RAB40C: variants seen among roughly 807,000 people sequenced by gnomAD.
RAB40C encodes the protein ras-related protein Rab-40C.
Under a neutral mutation model 28.1 loss-of-function variants are expected in RAB40C, and 8 were observed. The ratio of observed to expected loss-of-function variants is 0.28; its 90% CI spans 0.17 to 0.51. The LOEUF is 0.51. Ranked by LOEUF, RAB40C falls within the 20% of genes least tolerant of loss-of-function variation. The pLI, the probability that RAB40C is intolerant of heterozygous loss-of-function variation, is 0.97. For missense variants in RAB40C, 288 were observed against 405.9 expected, an observed-to-expected ratio of 0.71 and a Z score of 2.50; for synonymous variants, 201 against 171.7, an observed-to-expected ratio of 1.17 and a Z score of -1.34.
intron 1 of RAB40C, among the ~76,000 whole-genome samples, chr16:593,836 CTT>C (rs2036053652): frequency 1.3e-5 from 2 of 152,296 alleles, no homozygotes; most frequent in Middle Eastern, 3.4e-3. Context: ...TTAGGGAGTG[CTT>C]CATGCTCTCT....
chr16:619,689 T>C (rs1304196223), intron 3 of RAB40C, among the ~76,000 whole-genome samples: 2 of 152,022 alleles, frequency 1.3e-5, no homozygotes, highest in African/African-American at 2.4e-5. Flanking sequence ...GCCGCCTGGG[T>C]CTGGGTCTGG....
At chr16:617,370 A>T in intron 2 of RAB40C, 102 bp downstream of exon 2, 1 of 1,416,232 alleles carries the variant, frequency 7.1e-7, no homozygotes, top group African/African-American at 1.4e-5. Context: ...TTTGCATTTC[A>T]CTTGGAAGAG....
In RAB40C at chr16:602,751, G is replaced by T. The variant is rs563566020; in HGVS notation, c.142+12318G>T. 2.6e-5 allele frequency among the ~76,000 whole-genome samples: 4 copies of T among 152,230 alleles called. No individual in the cohort carries two copies. In the South Asian group the frequency reaches 8.3e-4, roughly 32 times the overall value. On this transcript the variant is annotated intron_variant, in intron 1 of 5. Transcript: ENST00000248139. Reference sequence around the variant, plus strand: ...CCTGGCCAATAAATTATTTTTTGTAGAATTGAGGTCTTGCCATGTTGCCTA... The same window carrying T: ...CCTGGCCAATAAATTATTTTTTGTATAATTGAGGTCTTGCCATGTTGCCTA...
chr16:623,485 TAAAA>T (rs1028262156), intron 3 of RAB40C, among the ~76,000 whole-genome samples: 1 of 149,554 alleles, frequency 6.7e-6, no homozygotes, highest in Non-Finnish European at 1.5e-5. Flanking sequence ...CTGTCTCTAC[TAAAA>T]AAAAATACAA....
Position 610,741 on chromosome 16 carries a change from C to T in RAB40C, c.143-6467C>T, listed in dbSNP as rs1405414653. 6.6e-6 allele frequency among the ~76,000 whole-genome samples: 1 copy of T among 151,830 alleles called. No homozygotes were observed. Among genetic ancestry groups the T allele is most frequent in the East Asian group, 2.0e-4 (1 of 5,104 alleles). On this transcript the variant is annotated intron_variant, in intron 1 of 5. Transcript: ENST00000248139. This position sits in a 1 kb window ranked among gnomAD's most constrained non-coding sequence, Gnocchi z 4.6. ...TCCAGGAGCTCCTCCCTCTACCCCG[C>T]CCTGCCCCACCCCGTCACCTGCTTG... is the stretch of plus-strand genomic sequence containing the variant.
chr16:611,097 G>A (rs1200382390), intron 1 of RAB40C, among the ~76,000 whole-genome samples: 1 of 152,234 alleles, frequency 6.6e-6, no homozygotes, highest in Admixed American at 6.5e-5. Flanking sequence ...TGCAGGATGG[G>A]TGGGACGCAG....
At chr16:596,089 G>C (rs1436750626) in intron 1 of RAB40C, among the ~76,000 whole-genome samples, 1 of 152,268 alleles carries the variant, frequency 6.6e-6, no homozygotes, top group African/African-American at 2.4e-5. Context: ...AGGCAACAGG[G>C]CAAATGCTTG....
chr16:627,805 GGGA>G lies in RAB40C; in HGVS notation c.*189_*191del, dbSNP rs1410448298. ...CATGCACGGACCAAGCGCGGCAGGC[GGGA>G]GGAGGGGGCGCGGCTGGGCTGCTGG... On this transcript the variant is annotated 3_prime_UTR_variant, in exon 6 of 6. Coordinates refer to ENST00000248139, the MANE Select transcript of RAB40C (RefSeq NM_021168.5). 4 of 669,380 alleles carry G rather than the reference GGGA, an allele frequency of 6.0e-6. No individual in the cohort carries two copies. The East Asian group carries it at 1.3e-4, about 21-fold the overall frequency. The allele number at this position is 669,380 out of a possible 1,614,324, so 41.5% of individuals were successfully genotyped here. A position where few individuals can be genotyped will look rare whatever the true frequency, so the allele number is the denominator to read the frequency against.
intron 2 of RAB40C, 41 bp from the exon 3 acceptor site, chr16:618,159 G>C: frequency 6.3e-7 from 1 of 1,596,474 alleles, no homozygotes; most frequent in Admixed American, 1.7e-5. Flanking sequence ...GCCTCTCACA[G>C]GGACCACAGT....
Position 625,300 on chromosome 16 carries a change from T to A in RAB40C, c.265-132T>A, listed in dbSNP as rs1000920220. On this transcript the variant is annotated intron_variant, in intron 3 of 5. Transcript: ENST00000248139. ...AGCTCTGCCTGGAGGGCATGGCTCA[T>A]CTGCCCATCCGCCAAGTAATAAGCA... is the stretch of plus-strand genomic sequence containing the variant. 213 of 1,467,812 alleles carry A rather than the reference T, an allele frequency of 1.5e-4. 1 individual carries two copies. In the South Asian group the frequency reaches 2.4e-3, roughly 17 times the overall value. 90.9% of individuals were successfully genotyped at this position (1,467,812 alleles called of 1,614,324 possible). A position where few individuals can be genotyped will look rare whatever the true frequency, so the allele number is the denominator to read the frequency against.
chr16:625,519 G>A lies in RAB40C; in HGVS notation c.342+10G>A. The A allele has an allele frequency of 1.2e-6, 2 of 1,612,832 alleles. No homozygotes were observed. The highest frequency in any genetic ancestry group is 1.7e-6 in the Non-Finnish European group (2 of 1,179,726). On this transcript the variant is annotated intron_variant, in intron 4 of 5. Transcript: ENST00000248139. Reference sequence around the variant, plus strand: ...CAAGGAGATCGATGAGGTAGGCCTGGGTCCGGGGAGCCCTCCCGGGGAAGG... The same window carrying A: ...CAAGGAGATCGATGAGGTAGGCCTGAGTCCGGGGAGCCCTCCCGGGGAAGG...
intron 1 of RAB40C, among the ~76,000 whole-genome samples, chr16:598,550 ACT>A (rs1182442001): frequency 2.8e-5 from 4 of 141,464 alleles, no homozygotes; most frequent in Non-Finnish European, 6.1e-5. Flanking sequence ...ACAGAGCGAG[ACT>A]CTGTCTCACA....
intron 3 of RAB40C, among the ~76,000 whole-genome samples, chr16:623,175 A>G (rs568289898): frequency 5.3e-5 from 8 of 152,344 alleles, no homozygotes; most frequent in Admixed American, 1.3e-4. Context: ...GCAGCCCATC[A>G]GCCGGGAGGC....
chr16:594,269 T>C, intron 1 of RAB40C, among the ~76,000 whole-genome samples: 1 of 152,192 alleles, frequency 6.6e-6, no homozygotes, highest in East Asian at 1.9e-4. Flanking sequence ...TCTCTGCTCT[T>C]TTGGGGTTCA....
chr16:615,625 G>A (rs73485420), intron 1 of RAB40C, among the ~76,000 whole-genome samples: 7,644 of 152,186 alleles, frequency 0.05, 625 homozygotes, highest in African/African-American at 0.17. Flanking sequence ...AGTTTCTCTT[G>A]GACTGACCTT....
chr16:613,379 A>G (rs959311651), intron 1 of RAB40C, among the ~76,000 whole-genome samples: 33 of 151,818 alleles, frequency 2.2e-4, no homozygotes, highest in Non-Finnish European at 4.0e-4. Context: ...ATTGAAGAGC[A>G]GGGACTGCCG....
At chr16:613,294 T>G (rs142398362) in intron 1 of RAB40C, among the ~76,000 whole-genome samples, 3,256 of 132,586 alleles carry the variant, frequency 0.025, 53 homozygotes, top group Middle Eastern at 0.053. Flanking sequence ...CTGCCCTTGC[T>G]TGTAGAATCA....
chr16:596,628 T>A (rs1175506277), intron 1 of RAB40C, among the ~76,000 whole-genome samples: 1 of 152,216 alleles, frequency 6.6e-6, no homozygotes, highest in African/African-American at 2.4e-5. Context: ...TGAGCTGACT[T>A]CCTGGGCGGT....
chr16:617,778 A>G (rs12924543), intron 2 of RAB40C, among the ~76,000 whole-genome samples: 3 of 152,100 alleles, frequency 2.0e-5, no homozygotes, highest in Non-Finnish European at 2.9e-5. Context: ...GGGAGGCAGA[A>G]GTTGCAGTGA....
Sources: allele counts gnomAD v4.1 joint callset (sites outside exome capture counted in the v4.1 genomes callset), GRCh38; gene constraint gnomAD v4.1.1; non-coding constraint Gnocchi (gnomAD v3.1); transcripts MANE v1.5; gene names NCBI Gene and HGNC (gene_info 2026-07-23, HGNC 2026-07-21).